Variants in PCDHGB5 observed in about 807,000 individuals in gnomAD.
PCDHGB5 encodes protocadherin gamma-B5.
A neutral mutation model predicts 62.9 loss-of-function variants in PCDHGB5; 48 were observed. The observed-to-expected ratio is 0.76, with a 90% confidence interval of 0.61 to 0.97. The LOEUF (loss-of-function observed/expected upper bound fraction) is 0.97, where lower values mean the gene tolerates loss of function less well. Ranked by LOEUF, PCDHGB5 falls within the 50% of genes least tolerant of loss-of-function variation. PCDHGB5 has a pLI of 0.00. For missense variants in PCDHGB5, 1,118 were observed against 1,198.6 expected (o/e 0.93, Z 0.99); for synonymous variants, 474 against 511.2 (o/e 0.93, Z 0.98).
Position 141,421,230 on chromosome 5 carries a change from G to A in PCDHGB5, c.2397+20706G>A, listed in dbSNP as rs530853994. 1.9e-6 allele frequency: 3 copies of A among 1,590,132 alleles called. No individual in the cohort carries two copies. The East Asian group carries it at 6.7e-5, about 36-fold the overall frequency. The stretch of plus-strand genomic sequence containing the variant: ...GGAATATCGGCTTAGAGCCTGCCAT[G>A]GCGAATCGGCTACAGCGCGGGGACC... On this transcript the variant is annotated intron_variant, in intron 1 of 3. Coordinates refer to ENST00000617380, the MANE Select transcript of PCDHGB5 (RefSeq NM_018925.3).
At chr5:141,414,722 G>T in intron 1 of PCDHGB5, 1 of 1,614,128 alleles carries the variant, frequency 6.2e-7, no homozygotes, top group South Asian at 1.1e-5. Flanking sequence ...TCAGACACTG[G>T]CGTCCTGTAT....
intron 1 of PCDHGB5, among the ~76,000 whole-genome samples, chr5:141,455,998 T>C (rs1301217416): frequency 2.6e-5 from 4 of 151,692 alleles, no homozygotes; most frequent in Non-Finnish European, 4.4e-5. Flanking sequence ...CTCGGGTTCA[T>C]GCCATTCTCC....
intron 1 of PCDHGB5, chr5:141,413,721 C>A (rs779673406): frequency 6.2e-7 from 1 of 1,613,592 alleles, no homozygotes. Context: ...ATAAGCACTT[C>A]TCCCTAAGAG....
chr5:141,485,278 C>T lies in PCDHGB5; in HGVS notation c.2398-9529C>T. On this transcript the variant is annotated intron_variant, in intron 1 of 3. Transcript: ENST00000617380. The surrounding 1 kb of genome is among the most constrained non-coding windows in gnomAD (Gnocchi z 5.7). ...TTTGTGGGCAGATCCGCTACCCGGTCCCAGAGGAGTCACAGGAAGGGACTT... is the reference window on the plus strand; with the variant it reads ...TTTGTGGGCAGATCCGCTACCCGGTTCCAGAGGAGTCACAGGAAGGGACTT... 1 of 1,614,064 alleles carries T rather than the reference C, an allele frequency of 6.2e-7. No homozygotes were observed. The highest frequency in any genetic ancestry group is 1.1e-5 in the South Asian group (1 of 91,080).
At chr5:141,420,056 T>C (rs1241770239) in intron 1 of PCDHGB5, 1 of 1,614,044 alleles carries the variant, frequency 6.2e-7, no homozygotes, top group Admixed American at 1.7e-5. Flanking sequence ...AGTTCTCTGC[T>C]CCAAGTCCGG....
At chr5:141,421,352 A>T in intron 1 of PCDHGB5, 1 of 1,613,946 alleles carries the variant, frequency 6.2e-7, no homozygotes, top group Non-Finnish European at 8.5e-7. Context: ...GAGACCGAAA[A>T]GGGCTCCTTC....
chr5:141,453,540 A>G (rs890130466), intron 1 of PCDHGB5, among the ~76,000 whole-genome samples: 2 of 152,058 alleles, frequency 1.3e-5, no homozygotes, highest in Non-Finnish European at 2.9e-5. Context: ...CCTCATTCAC[A>G]CCACACTCTG....
intron 1 of PCDHGB5, chr5:141,420,193 A>G: frequency 6.2e-7 from 1 of 1,613,766 alleles, no homozygotes; most frequent in South Asian, 1.1e-5. Context: ...CAGCCACACA[A>G]GATAACCTCA....
chr5:141,464,271 A>AT (rs1336006891), intron 1 of PCDHGB5, among the ~76,000 whole-genome samples: 1 of 136,538 alleles, frequency 7.3e-6, no homozygotes, highest in Non-Finnish European at 1.5e-5. Flanking sequence ...TCTAAAAAAA[A>AT]AAAAAAGCAA....
intron 1 of PCDHGB5, chr5:141,427,830 C>G (rs749612858): frequency 7.8e-6 from 12 of 1,538,206 alleles, no homozygotes; most frequent in Non-Finnish European, 1.1e-5. Context: ...GGTCGCGCAG[C>G]GTGCCTTCGA....
intron 3 of PCDHGB5, among the ~76,000 whole-genome samples, chr5:141,509,841 C>T (rs546036990): frequency 2.0e-5 from 3 of 152,326 alleles, no homozygotes; most frequent in African/African-American, 7.2e-5. Context: ...ACCTCCCATT[C>T]ACTCAGAACA....
chr5:141,489,159 T>G lies in PCDHGB5; in HGVS notation c.2398-5648T>G. On this transcript the variant is annotated intron_variant, in intron 1 of 3. Transcript: ENST00000617380. This position sits in a 1 kb window ranked among gnomAD's most constrained non-coding sequence, Gnocchi z 4.5. ...AGGCTGGAAGGAGACATAAGAGACT[T>G]CAGCTGCTGCATTCCAAGCCCTGGG... is the stretch of plus-strand genomic sequence containing the variant. 2 of 1,023,152 alleles carry G rather than the reference T, an allele frequency of 2.0e-6. No individual in the cohort carries two copies. Among genetic ancestry groups the G allele is most frequent in the Non-Finnish European group, 2.9e-6 (2 of 697,120 alleles). The allele number at this position is 1,023,152 out of a possible 1,614,324, so 63.4% of individuals were successfully genotyped here. A position where few individuals can be genotyped will look rare whatever the true frequency, so the allele number is the denominator to read the frequency against.
At chr5:141,423,102 C>A (rs778561065) in intron 1 of PCDHGB5, 2 of 1,613,802 alleles carry the variant, frequency 1.2e-6, no homozygotes, top group Non-Finnish European at 1.7e-6. Flanking sequence ...AGCACACGGG[C>A]GAGGTGCGTA....
At position 141,432,135 on chromosome 5, in the gene PCDHGB5, C is replaced by T; in HGVS notation, c.2397+31611C>T. On this transcript the variant is annotated intron_variant, in intron 1 of 3. Transcript: ENST00000617380. This position sits in a 1 kb window ranked among gnomAD's most constrained non-coding sequence, Gnocchi z 6.0. ...GTCTTCCCTCAGGCCTCCTATTCCGCTTATATCCCAGAGAACAATCCCAGA... is the reference window on the plus strand; with the variant it reads ...GTCTTCCCTCAGGCCTCCTATTCCGTTTATATCCCAGAGAACAATCCCAGA... The T allele has an allele frequency of 6.2e-7, 1 of 1,614,140 alleles. No homozygotes were observed. Among genetic ancestry groups the T allele is most frequent in the Non-Finnish European group, 8.5e-7 (1 of 1,180,026 alleles).
chr5:141,422,543 T>C lies in PCDHGB5; in HGVS notation c.2397+22019T>C, dbSNP rs2096655736. 1 of 1,613,882 alleles carries C rather than the reference T, an allele frequency of 6.2e-7. No homozygotes were observed. Among genetic ancestry groups the C allele is most frequent in the African/African-American group, 1.3e-5 (1 of 74,928 alleles). Reference sequence around the variant, plus strand: ...CCGCCTTTGTCTGCAGAAACTCATGTCTGGCTGAATGTGGCAGATGACAAC... The same window carrying C: ...CCGCCTTTGTCTGCAGAAACTCATGCCTGGCTGAATGTGGCAGATGACAAC... On this transcript the variant is annotated intron_variant, in intron 1 of 3. Coordinates refer to ENST00000617380, the MANE Select transcript of PCDHGB5 (RefSeq NM_018925.3).
At position 141,422,424 on chromosome 5, in the gene PCDHGB5, T is replaced by C. The variant is rs1182660567; in HGVS notation, c.2397+21900T>C. The C allele has an allele frequency of 2.5e-6, 4 of 1,608,076 alleles. No homozygotes were observed. The East Asian group carries it at 6.7e-5, about 27-fold the overall frequency. On this transcript the variant is annotated intron_variant, in intron 1 of 3. Transcript: ENST00000617380. ...TGCCTTTTAAATTAGAAAAGACTTA[T>C]GGAAATTATTACAAATTGATAACAA...
chr5:141,465,413 G>A (rs996581829), intron 1 of PCDHGB5, among the ~76,000 whole-genome samples: 1 of 152,174 alleles, frequency 6.6e-6, no homozygotes, highest in Non-Finnish European at 1.5e-5. Context: ...AGCCAAATCA[G>A]CACTGAAAGG....
intron 2 of PCDHGB5, 99 bp downstream of exon 2, chr5:141,494,964 G>A (rs2099757882): frequency 1.3e-6 from 2 of 1,594,380 alleles, no homozygotes; most frequent in Non-Finnish European, 8.5e-7. Context: ...GCTACAGATG[G>A]CTTCTCCCTC....
intron 1 of PCDHGB5, chr5:141,417,960 G>T (rs2096199953): frequency 1.2e-6 from 2 of 1,613,624 alleles, no homozygotes; most frequent in African/African-American, 1.3e-5. Context: ...GAGCCGATCC[G>T]CTACTCGATT....
Sources: gnomAD v4.1 joint callset for allele counts (sites outside exome capture counted in the v4.1 genomes callset) on GRCh38, gnomAD v4.1.1 for gene constraint, Gnocchi (gnomAD v3.1) non-coding constraint, MANE v1.5 for transcripts, NCBI Gene and HGNC (gene_info 2026-07-23, HGNC 2026-07-21) for gene names.